Variants in PLEKHM3 observed in about 807,000 individuals in gnomAD.
PLEKHM3 encodes the protein pleckstrin homology domain containing M3, also known as pleckstrin homology domain-containing family M member 3.
PLEKHM3 carries 45 observed loss-of-function variants against 81.8 expected under a neutral mutation model. That is an observed-to-expected ratio of 0.55 (90% CI 0.43 to 0.71). PLEKHM3 has a LOEUF of 0.71. PLEKHM3 is among the 30% of genes least tolerant of loss of function. The pLI is 0.00. For synonymous variants in PLEKHM3, 352 were observed against 356.4 expected (o/e 0.99, Z 0.14); for missense variants, 788 against 924.3 (o/e 0.85, Z 1.91).
rs1270050181 is a variant in PLEKHM3, at chr2:207,824,786, G to A, written c.*3533C>T. 6.6e-6 allele frequency: 1 copy of A among 152,246 alleles called. No homozygotes were observed. Among genetic ancestry groups the A allele is most frequent in the Non-Finnish European group, 1.5e-5 (1 of 68,070 alleles). 9.4% of individuals were successfully genotyped at this position (152,246 alleles called of 1,614,324 possible). ...AAGGCTGCATTCGGCAACTAGGGTG[G>A]TGTAAACACCTCGGATCTCACTGCA... On this transcript the variant is annotated 3_prime_UTR_variant, in exon 8 of 8. Transcript: ENST00000427836.
intron 6 of PLEKHM3, among the ~76,000 whole-genome samples, chr2:207,904,369 G>A (rs1291769339): frequency 6.6e-6 from 1 of 152,146 alleles, no homozygotes; most frequent in Non-Finnish European, 1.5e-5. Flanking sequence ...CTCTGCCTGT[G>A]TCTTATGCTT....
intron 3 of PLEKHM3, among the ~76,000 whole-genome samples, chr2:207,949,278 T>C (rs1690250794): frequency 2.6e-5 from 4 of 152,252 alleles, no homozygotes; most frequent in Admixed American, 2.6e-4. Context: ...CTAGGCATAG[T>C]AGCTCACACT....
At chr2:207,995,995 G>A (rs1178257218) in intron 2 of PLEKHM3, among the ~76,000 whole-genome samples, 1 of 152,158 alleles carries the variant, frequency 6.6e-6, no homozygotes, top group African/African-American at 2.4e-5. Flanking sequence ...ACAGACTAAA[G>A]GGCAAACCAC....
At chr2:208,016,879 G>A (rs1164200521) in intron 1 of PLEKHM3, among the ~76,000 whole-genome samples, 5 of 152,174 alleles carry the variant, frequency 3.3e-5, no homozygotes, top group African/African-American at 7.2e-5. Context: ...CAGTTACTCC[G>A]TATCCATGGG....
intron 7 of PLEKHM3, among the ~76,000 whole-genome samples, chr2:207,839,064 G>A (rs2092335115): frequency 6.6e-6 from 1 of 152,066 alleles, no homozygotes; most frequent in Admixed American, 6.6e-5. Context: ...CCTTCTTAAT[G>A]TAAAATTGAA....
At chr2:207,950,333 T>G (rs1165677397) in intron 3 of PLEKHM3, among the ~76,000 whole-genome samples, 1 of 152,188 alleles carries the variant, frequency 6.6e-6, no homozygotes, top group African/African-American at 2.4e-5. Flanking sequence ...GAAGCCTGAG[T>G]CTGTTCTTGC....
chr2:207,856,545 T>C (rs182986999), intron 7 of PLEKHM3, among the ~76,000 whole-genome samples: 1 of 152,344 alleles, frequency 6.6e-6, no homozygotes, highest in Admixed American at 6.5e-5. Context: ...CGAAATGTCA[T>C]ATAGTTGGAA....
At chr2:207,919,491 C>T (rs570539801) in intron 5 of PLEKHM3, among the ~76,000 whole-genome samples, 165 of 152,168 alleles carry the variant, frequency 1.1e-3, no homozygotes, top group Admixed American at 2.2e-3. Flanking sequence ...ATAATCCAGG[C>T]GAAAGGTGAT....
At chr2:207,828,668 C>T (rs1016496044) in intron 7 of PLEKHM3, among the ~76,000 whole-genome samples, 172 bp from the exon 8 acceptor site, 2 of 152,186 alleles carry the variant, frequency 1.3e-5, no homozygotes, top group East Asian at 1.9e-4. Flanking sequence ...CCAAAATGCT[C>T]AAGGTTGAAT....
At chr2:207,919,678 A>G (rs1257054481) in intron 5 of PLEKHM3, among the ~76,000 whole-genome samples, 1 of 152,184 alleles carries the variant, frequency 6.6e-6, no homozygotes, top group Non-Finnish European at 1.5e-5. Flanking sequence ...GTGGTTTGCA[A>G]TGTGAGTGGG....
chr2:207,934,673 A>T (rs1689689875), intron 4 of PLEKHM3, among the ~76,000 whole-genome samples: 1 of 152,182 alleles, frequency 6.6e-6, no homozygotes, highest in Non-Finnish European at 1.5e-5. Context: ...CACATTCAGG[A>T]GGAGGTGGAG....
intron 7 of PLEKHM3, among the ~76,000 whole-genome samples, chr2:207,860,539 C>T (rs2092462094): frequency 6.6e-6 from 1 of 152,180 alleles, no homozygotes; most frequent in Non-Finnish European, 1.5e-5. Flanking sequence ...AATCATCCAT[C>T]AATCCATGGA....
At chr2:207,984,138 A>G (rs964512105) in intron 2 of PLEKHM3, among the ~76,000 whole-genome samples, 1 of 152,194 alleles carries the variant, frequency 6.6e-6, no homozygotes, top group Non-Finnish European at 1.5e-5. Flanking sequence ...TAAAAATCGC[A>G]AATTTCTGCC....
At chr2:207,978,516 G>A (rs1691403467) in intron 2 of PLEKHM3, among the ~76,000 whole-genome samples, 2 of 152,122 alleles carry the variant, frequency 1.3e-5, no homozygotes, top group African/African-American at 4.8e-5. Context: ...AGCATAAAAT[G>A]TGCTGCTCAC....
rs533423473 is a variant in PLEKHM3 at position 207,867,633 on chromosome 2, C to T, written c.1951-6371G>A. Among the ~76,000 whole-genome samples, 7 of 151,846 alleles carry T rather than the reference C, an allele frequency of 4.6e-5. No individual in the cohort carries two copies. The South Asian group carries it at 8.3e-4, about 18-fold the overall frequency. On this transcript the variant is annotated intron_variant, in intron 6 of 7. Coordinates refer to ENST00000427836, the MANE Select transcript of PLEKHM3 (RefSeq NM_001080475.3). Reference sequence around the variant, plus strand: ...TTTTGAAAAAGCATACATACATAGACACACACACACACAAAATTATATAAA... The same window carrying T: ...TTTTGAAAAAGCATACATACATAGATACACACACACACAAAATTATATAAA...
chr2:207,930,981 G>A lies in PLEKHM3; in HGVS notation c.1831C>T (p.Leu611Phe). ...CGGCAGCTGAACAAATAGGCTCGGA[G>A]CGACTTCAGCCGCTGCCGCAGCCGC... Reference protein sequence around the residue: ...VLRLRQRLKSLRAYLFSCRAA... With the variant: ...VLRLRQRLKSFRAYLFSCRAA... Residue 611 changes from leucine to phenylalanine, a missense_variant, in exon 5 of 8, where the codon CTC (leucine) becomes TTC (phenylalanine). Physicochemically the swap from Leu to Phe is conservative, Grantham distance 22. Coordinates refer to ENST00000427836, the MANE Select transcript of PLEKHM3 (RefSeq NM_001080475.3). 6.2e-7 allele frequency: 1 copy of A among 1,613,764 alleles called. No homozygotes were observed. The highest frequency in any genetic ancestry group is 8.5e-7 in the Non-Finnish European group (1 of 1,179,690).
chr2:207,933,701 G>C (rs973358719), intron 4 of PLEKHM3, among the ~76,000 whole-genome samples: 3 of 152,216 alleles, frequency 2.0e-5, no homozygotes, highest in Admixed American at 1.3e-4. Context: ...AAAGCAGTGA[G>C]ACAAATGGAA....
At chr2:207,909,422 G>C (rs1688742104) in intron 5 of PLEKHM3, among the ~76,000 whole-genome samples, 1 of 152,136 alleles carries the variant, frequency 6.6e-6, no homozygotes, top group South Asian at 2.1e-4. Flanking sequence ...ATTTTCTTGT[G>C]TCTTAAATGA....
intron 1 of PLEKHM3, among the ~76,000 whole-genome samples, chr2:208,002,371 G>C (rs572993955): frequency 1.9e-4 from 29 of 152,332 alleles, no homozygotes; most frequent in African/African-American, 6.3e-4. Context: ...TGAAGGCACT[G>C]ATGATTTGTT....
Sources: gnomAD v4.1 joint callset for allele counts (sites outside exome capture counted in the v4.1 genomes callset) on GRCh38, gnomAD v4.1.1 for gene constraint, MANE v1.5 for transcripts, NCBI Gene and HGNC (gene_info 2026-07-23, HGNC 2026-07-21) for gene names.